SDK1: variants seen among roughly 807,000 people sequenced by gnomAD.
SDK1 encodes protein sidekick-1.
In SDK1, 157 loss-of-function variants were observed where a neutral mutation model predicts 245.5. The ratio of observed to expected loss-of-function variants is 0.64; its 90% CI spans 0.56 to 0.73. The LOEUF (loss-of-function observed/expected upper bound fraction) is 0.73, where lower values mean the gene tolerates loss of function less well. Ranked by LOEUF, SDK1 falls within the 30% of genes least tolerant of loss-of-function variation. The probability of loss-of-function intolerance (pLI) is 0.00; values close to 1 mark genes in which losing one functional copy is unlikely to be tolerated. For missense variants in SDK1, 3,583 were observed against 3,002.3 expected (o/e 1.19, Z -4.52); for synonymous variants, 1,647 against 1,278.5 (o/e 1.29, Z -6.15).
At chr7:4,225,531 GA>G (rs903733661) in intron 40 of SDK1, among the ~76,000 whole-genome samples, 20 of 152,262 alleles carry the variant, frequency 1.3e-4, no homozygotes, top group African/African-American at 4.1e-4. Flanking sequence ...CAGGCTTGCC[GA>G]GAGAGCCCTT....
At chr7:3,379,131 A>G (rs1583770265) in intron 1 of SDK1, among the ~76,000 whole-genome samples, 1 of 152,146 alleles carries the variant, frequency 6.6e-6, no homozygotes, top group Non-Finnish European at 1.5e-5. Context: ...TAGATTTGCC[A>G]TCATTGGTCC....
Position 4,051,676 on chromosome 7 carries a change from T to C in SDK1, c.2757T>C (p.Thr919=). 6.2e-7 allele frequency: 1 copy of C among 1,613,298 alleles called. No homozygotes were observed. The highest frequency in any genetic ancestry group is 8.5e-7 in the Non-Finnish European group (1 of 1,179,648). The change falls in exon 19 of 45, where the codon ACT becomes ACC. Residue 919 remains threonine, a synonymous_variant. Coordinates refer to ENST00000404826, the MANE Select transcript of SDK1 (RefSeq NM_152744.4). ...CGGCAGATGCCCCCGAGGCTGTCAC[T>C]GTGGTCACTATTGCCCCAGATTTCC... ...AWPADAPEAV[T]VVTIAPDFHG... is the part of the protein sequence containing the mutation.
intron 1 of SDK1, among the ~76,000 whole-genome samples, chr7:3,454,526 G>A (rs917844462): frequency 3.9e-5 from 6 of 151,944 alleles, no homozygotes; most frequent in African/African-American, 1.2e-4. Context: ...CCCTTGGGTT[G>A]TCCTTTCATA....
intron 1 of SDK1, among the ~76,000 whole-genome samples, chr7:3,483,215 G>C (rs1333524946): frequency 3.3e-5 from 5 of 152,272 alleles, no homozygotes; most frequent in Middle Eastern, 3.4e-3. Flanking sequence ...ACAGTATTGA[G>C]TCCTAGCATT....
At chr7:3,849,975 C>T (rs972773698) in intron 5 of SDK1, among the ~76,000 whole-genome samples, 8 of 152,150 alleles carry the variant, frequency 5.3e-5, no homozygotes, top group East Asian at 1.9e-4. Flanking sequence ...TTTCATAAGT[C>T]GAAATGACCA....
At chr7:3,917,388 A>C (rs1779421063) in intron 5 of SDK1, among the ~76,000 whole-genome samples, 1 of 152,156 alleles carries the variant, frequency 6.6e-6, no homozygotes. Context: ...TCTCCAGGGT[A>C]GACGGGAAGC....
At chr7:3,709,365 C>A (rs972105759) in intron 4 of SDK1, among the ~76,000 whole-genome samples, 1 of 152,194 alleles carries the variant, frequency 6.6e-6, no homozygotes, top group African/African-American at 2.4e-5. Context: ...GGCATGCATG[C>A]AAGGCCCTTC....
chr7:3,975,964 GT>G (rs1562604902), intron 13 of SDK1, among the ~76,000 whole-genome samples: 8 of 121,588 alleles, frequency 6.6e-5, no homozygotes, highest in Admixed American at 8.3e-5. Flanking sequence ...CACGCAGAGG[GT>G]CCTCCAGAGA....
intron 4 of SDK1, among the ~76,000 whole-genome samples, chr7:3,673,701 G>C (rs1783794243): frequency 6.6e-6 from 1 of 152,110 alleles, no homozygotes; most frequent in Admixed American, 6.5e-5. Flanking sequence ...CATTGACCTG[G>C]AGGGCCCAAA....
rs376070343 is a variant in SDK1, at chr7:3,585,340, A to T, written c.299-33740A>T. Among the ~76,000 whole-genome samples, 8 of 152,334 alleles carry T rather than the reference A, an allele frequency of 5.3e-5. No individual in the cohort carries two copies. In the East Asian group the frequency reaches 7.7e-4, roughly 15 times the overall value. ...AGGAAACAGGTAGTTGATGAAGTGA[A>T]TCAGAACTTGTAATAAAGCTAGAGT... is the stretch of plus-strand genomic sequence containing the variant. On this transcript the variant is annotated intron_variant, in intron 1 of 44. Coordinates refer to ENST00000404826, the MANE Select transcript of SDK1 (RefSeq NM_152744.4).
intron 1 of SDK1, among the ~76,000 whole-genome samples, chr7:3,562,196 C>G (rs1779771585): frequency 6.6e-6 from 1 of 152,220 alleles, no homozygotes; most frequent in African/African-American, 2.4e-5. Flanking sequence ...AAGTGCAAGA[C>G]AGACTCTTAT....
At chr7:3,354,096 C>T (rs372658323) in intron 1 of SDK1, among the ~76,000 whole-genome samples, 2 of 151,670 alleles carry the variant, frequency 1.3e-5, no homozygotes, top group African/African-American at 4.8e-5. Context: ...GGGTTCACAC[C>T]ATTCTTTTGC....
chr7:4,239,074 G>C (rs1424107264), intron 42 of SDK1, among the ~76,000 whole-genome samples: 2 of 152,150 alleles, frequency 1.3e-5, no homozygotes, highest in African/African-American at 2.4e-5. Context: ...CTGAGGGCCA[G>C]GTCACTACTG....
Position 4,166,916 on chromosome 7 carries a change from G to A in SDK1, c.4800+5060G>A, listed in dbSNP as rs573461226. On this transcript the variant is annotated intron_variant, in intron 32 of 44. Transcript: ENST00000404826. ...CAACGGCAGAGGGTCCGAGGTCACC[G>A]TTCAGGCAGCTGGAAGGAGAGAGGC... is the stretch of plus-strand genomic sequence containing the variant. Among the ~76,000 whole-genome samples, 4 of 152,278 alleles carry A rather than the reference G, an allele frequency of 2.6e-5. No homozygotes were observed. In the South Asian group the frequency reaches 6.2e-4, roughly 24 times the overall value.
chr7:3,502,103 A>T (rs1381180397), intron 1 of SDK1, among the ~76,000 whole-genome samples: 1 of 152,130 alleles, frequency 6.6e-6, no homozygotes, highest in Non-Finnish European at 1.5e-5. Flanking sequence ...TTAGTCAGTC[A>T]CTATATTAGA....
intron 13 of SDK1, among the ~76,000 whole-genome samples, chr7:3,984,675 C>T (rs1376098557): frequency 4.6e-5 from 7 of 152,126 alleles, no homozygotes; most frequent in Non-Finnish European, 8.8e-5. Flanking sequence ...TCTCCAACTC[C>T]TACTGTGTGT....
At chr7:3,797,009 C>CT (rs779837755) in intron 4 of SDK1, among the ~76,000 whole-genome samples, 2 of 145,586 alleles carry the variant, frequency 1.4e-5, no homozygotes, top group Non-Finnish European at 1.5e-5. Flanking sequence ...TTCTTTCTTT[C>CT]TTTTTTTTCT....
intron 1 of SDK1, among the ~76,000 whole-genome samples, chr7:3,329,737 G>A (rs899250223): frequency 6.6e-6 from 1 of 152,116 alleles, no homozygotes; most frequent in Admixed American, 6.6e-5. Context: ...TCTACATCTG[G>A]TGTTCAACCA....
intron 5 of SDK1, among the ~76,000 whole-genome samples, chr7:3,900,046 A>G (rs575055971): frequency 6.6e-6 from 1 of 152,380 alleles, no homozygotes; most frequent in South Asian, 2.1e-4. Context: ...TGACACTAAC[A>G]TTTAACAAAT....
Sources: allele counts gnomAD v4.1 joint callset (sites outside exome capture counted in the v4.1 genomes callset), GRCh38; gene constraint gnomAD v4.1.1; transcripts MANE v1.5; gene names NCBI Gene and HGNC (gene_info 2026-07-23, HGNC 2026-07-21).